Variants in SPATA9 observed in about 807,000 individuals in gnomAD.
SPATA9 encodes spermatogenesis-associated protein 9.
In SPATA9, 27 loss-of-function variants were observed where a neutral mutation model predicts 25.5. The observed-to-expected ratio is 1.06, with a 90% CI of 0.78 to 1.46. The LOEUF (loss-of-function observed/expected upper bound fraction) is 1.46. SPATA9 is among the 40% of genes most tolerant of loss of function. SPATA9 has a pLI of 0.00. For missense variants in SPATA9, 282 were observed against 297.5 expected, an observed-to-expected ratio of 0.95 and a Z score of 0.38; for synonymous variants, 102 against 105.7, an observed-to-expected ratio of 0.97 and a Z score of 0.21.
At chr5:95,668,756 T>C (rs1752065112) in intron 3 of SPATA9, among the ~76,000 whole-genome samples, 1 of 152,236 alleles carries the variant, frequency 6.6e-6, no homozygotes, top group Non-Finnish European at 1.5e-5. Flanking sequence ...TCCACAGAAT[T>C]TTGACTGCCT....
chr5:95,655,404 C>T (rs1226399010), downstream of SPATA9: 1 of 152,190 alleles, frequency 6.6e-6, no homozygotes. Flanking sequence ...AGACCTTGCT[C>T]CTCAAACTGT....
intron 1 of SPATA9, among the ~76,000 whole-genome samples, chr5:95,694,026 G>A (rs201498705): frequency 5.8e-4 from 88 of 152,084 alleles, no homozygotes; most frequent in African/African-American, 1.9e-3. Context: ...CTGGTATAGC[G>A]TCACACACCT....
chr5:95,719,183 C>T, the SPATA9 span, among the ~76,000 whole-genome samples: 41 of 152,066 alleles, frequency 2.7e-4, no homozygotes, highest in African/African-American at 9.9e-4. Flanking sequence ...GTTGAGGTTC[C>T]GGAATGAGGT....
chr5:95,655,939 A>G (rs1207330243), downstream of SPATA9: 3 of 1,021,040 alleles, frequency 2.9e-6, no homozygotes, highest in Non-Finnish European at 2.9e-6. Context: ...GGAAAAAAAG[A>G]AAAGCTAACC....
chr5:95,702,421 T>C (rs927206738), upstream of SPATA9, among the ~76,000 whole-genome samples: 1 of 152,080 alleles, frequency 6.6e-6, no homozygotes, highest in Admixed American at 6.6e-5. Context: ...GGCCTGAGTG[T>C]CCCCAGTTTA....
intron 2 of SPATA9, among the ~76,000 whole-genome samples, chr5:95,676,499 T>C (rs1211105474): frequency 1.3e-5 from 2 of 152,242 alleles, no homozygotes; most frequent in Non-Finnish European, 2.9e-5. Flanking sequence ...TTCTTCTTGC[T>C]ACAGCCATGC....
the SPATA9 span, among the ~76,000 whole-genome samples, chr5:95,714,236 G>A: frequency 8.5e-5 from 13 of 152,138 alleles, no homozygotes; most frequent in East Asian, 2.5e-3. Flanking sequence ...AGGCTCAAGA[G>A]AGTAATATGG....
chr5:95,723,400 G>T, the SPATA9 span, among the ~76,000 whole-genome samples: 1 of 152,192 alleles, frequency 6.6e-6, no homozygotes, highest in Non-Finnish European at 1.5e-5. Flanking sequence ...GAAGAAGACT[G>T]TAGTCTCCTT....
intron 1 of SPATA9, among the ~76,000 whole-genome samples, chr5:95,696,629 C>G (rs971747623): frequency 6.6e-6 from 1 of 152,184 alleles, no homozygotes; most frequent in African/African-American, 2.4e-5. Context: ...CTAATCCCAG[C>G]ACTTTGGGAG....
At chr5:95,653,072 A>T in exon 9 of SPATA9, 1 of 1,549,160 alleles carries the variant, frequency 6.5e-7, no homozygotes, top group Non-Finnish European at 8.7e-7. Flanking sequence ...CACATTCACC[A>T]AGACTTTTCT....
rs769498686 is a variant in SPATA9, at chr5:95,675,524, A to G, written c.266T>C (p.Val89Ala). The G allele has an allele frequency of 1.2e-6, 2 of 1,614,168 alleles. No homozygotes were observed. The highest frequency in any genetic ancestry group is 1.7e-6 in the Non-Finnish European group (2 of 1,180,022). The change falls in exon 3 of 5, where the codon GTG (valine) becomes GCG (alanine). Residue 89 changes from valine to alanine, a missense_variant. Val to Ala is a moderately conservative substitution (Grantham distance 64). Coordinates refer to ENST00000274432, the MANE Select transcript of SPATA9 (RefSeq NM_031952.4). ...AAGCTGAGGATGCAGAAGTTTGGCC[A>G]CTGATTTGGAGGATCTGGATATGCT... Reference protein sequence around the residue: ...LNSISRSSKSVAKLLHPQLAC... With the variant: ...LNSISRSSKSAAKLLHPQLAC...
chr5:95,675,052 A>G (rs953341602), intron 3 of SPATA9, among the ~76,000 whole-genome samples: 3 of 152,236 alleles, frequency 2.0e-5, no homozygotes, highest in Non-Finnish European at 2.9e-5. Flanking sequence ...TCAATATATT[A>G]TGTCAAACAA....
At chr5:95,731,045 T>A in the SPATA9 span, 4 of 1,031,394 alleles carry the variant, frequency 3.9e-6, no homozygotes, top group African/African-American at 6.8e-5. Context: ...CTGGCTCTGG[T>A]TACGGCCTTG....
chr5:95,713,777 TG>T, the SPATA9 span: 12 of 152,024 alleles, frequency 7.9e-5, no homozygotes, highest in African/African-American at 1.9e-4. Context: ...TAAATTCCAA[TG>T]TTTTTTTTTC....
chr5:95,660,807 C>A (rs556608500), intron 4 of SPATA9, among the ~76,000 whole-genome samples: 205 of 152,288 alleles, frequency 1.3e-3, no homozygotes, highest in African/African-American at 4.8e-3. Flanking sequence ...CTACATCCTA[C>A]CATCTTCTCT....
At chr5:95,688,163 GT>G (rs1271559033) in intron 1 of SPATA9, among the ~76,000 whole-genome samples, 2 of 152,142 alleles carry the variant, frequency 1.3e-5, no homozygotes, top group Non-Finnish European at 2.9e-5. Flanking sequence ...ATCATCCTAA[GT>G]GTGCATGAAT....
At chr5:95,699,328 T>C (rs1754122317), upstream of SPATA9, among the ~76,000 whole-genome samples, 1 of 151,938 alleles carries the variant, frequency 6.6e-6, no homozygotes, top group African/African-American at 2.4e-5. Context: ...TCATAAAGAG[T>C]AAATGAGATA....
At chr5:95,690,566 T>C (rs1753855385) in intron 1 of SPATA9, among the ~76,000 whole-genome samples, 2 of 152,202 alleles carry the variant, frequency 1.3e-5, no homozygotes, top group Admixed American at 1.3e-4. Context: ...ATTTGGGCTT[T>C]GCAATGGAAG....
At chr5:95,696,907 C>T (rs1413811217) in intron 1 of SPATA9, among the ~76,000 whole-genome samples, 1 of 152,048 alleles carries the variant, frequency 6.6e-6, no homozygotes, top group Non-Finnish European at 1.5e-5. Context: ...TTAGGTGCAA[C>T]CTAAATACCA....
Sources: allele counts gnomAD v4.1 joint callset (sites outside exome capture counted in the v4.1 genomes callset), GRCh38; gene constraint gnomAD v4.1.1; transcripts MANE v1.5; gene names NCBI Gene and HGNC (gene_info 2026-07-23, HGNC 2026-07-21).